TAF4B: variants seen among roughly 807,000 people sequenced by gnomAD.
TAF4B encodes the protein transcription initiation factor TFIID subunit 4B.
A neutral mutation model predicts 86.4 loss-of-function variants in TAF4B; 38 were observed. That is an observed-to-expected ratio of 0.44 (90% CI 0.34 to 0.58). The LOEUF (loss-of-function observed/expected upper bound fraction) is 0.58. TAF4B is among the 20% of genes least tolerant of loss of function. The probability of loss-of-function intolerance (pLI) is 0.02; values close to 1 mark genes in which losing one functional copy is unlikely to be tolerated. For synonymous variants in TAF4B, 388 were observed against 391.2 expected (o/e 0.99, Z 0.10); for missense variants, 988 against 1,027.6 (o/e 0.96, Z 0.53).
chr18:26,374,493 A>G (rs557742117), intron 14 of TAF4B, among the ~76,000 whole-genome samples: 1 of 152,308 alleles, frequency 6.6e-6, no homozygotes, highest in East Asian at 1.9e-4. Context: ...TTCAGTGACT[A>G]TGAGAAGCAT....
At chr18:26,239,438 G>GT (rs1053495765) in intron 1 of TAF4B, among the ~76,000 whole-genome samples, 2 of 151,806 alleles carry the variant, frequency 1.3e-5, no homozygotes, top group Non-Finnish European at 1.5e-5. Flanking sequence ...GATGGGGTTT[G>GT]TTTTTTTCTT....
intron 14 of TAF4B, among the ~76,000 whole-genome samples, chr18:26,369,925 C>G (rs1435772135): frequency 6.6e-6 from 1 of 152,156 alleles, no homozygotes; most frequent in Non-Finnish European, 1.5e-5. Context: ...AATTGGTTCT[C>G]TGGTCTAATC....
At chr18:26,376,073 C>G (rs2057440696) in intron 14 of TAF4B, among the ~76,000 whole-genome samples, 1 of 151,910 alleles carries the variant, frequency 6.6e-6, no homozygotes, top group Admixed American at 6.6e-5. Context: ...TGTATCTGTC[C>G]TTACACCAGT....
In TAF4B at chr18:26,226,476, G is replaced by C. The variant is rs2055574778; in HGVS notation, c.-458G>C. The C allele has an allele frequency of 6.5e-6, 1 of 152,852 alleles. No individual in the cohort carries two copies. Among genetic ancestry groups the C allele is most frequent in the South Asian group, 2.1e-4 (1 of 4,834 alleles). The allele number at this position is 152,852 out of a possible 1,614,324, so 9.5% of individuals were successfully genotyped here. ...ATATAAACATGGCTGGCGTGGCCGC[G>C]CGGCGGGGCCGTGCCAATCGCGCGT... On this transcript the variant is annotated 5_prime_UTR_variant, in exon 1 of 15. Transcript: ENST00000269142.
intron 9 of TAF4B, among the ~76,000 whole-genome samples, chr18:26,294,614 TAAAC>T (rs1367018108): frequency 1.4e-5 from 2 of 146,972 alleles, no homozygotes; most frequent in African/African-American, 2.5e-5. Flanking sequence ...TACAAATATA[TAAAC>T]AAACATATAA....
intron 11 of TAF4B, among the ~76,000 whole-genome samples, chr18:26,325,977 T>A (rs2057000502): frequency 6.6e-6 from 1 of 152,206 alleles, no homozygotes; most frequent in Non-Finnish European, 1.5e-5. Flanking sequence ...GTTAATTGAA[T>A]CAACCATAAG....
intron 9 of TAF4B, among the ~76,000 whole-genome samples, 154 bp downstream of exon 9, chr18:26,293,685 C>T (rs1355499760): frequency 2.0e-5 from 3 of 151,982 alleles, no homozygotes; most frequent in African/African-American, 7.3e-5. Flanking sequence ...CAATAAAATG[C>T]ACAACTATTA....
chr18:26,347,957 A>G (rs2057213933), intron 13 of TAF4B, among the ~76,000 whole-genome samples: 1 of 152,226 alleles, frequency 6.6e-6, no homozygotes. Flanking sequence ...ATAGATCCCA[A>G]TACAGTAATA....
chr18:26,346,809 ATATATATG>A (rs1567913836), intron 13 of TAF4B, among the ~76,000 whole-genome samples: 44 of 30,714 alleles, frequency 1.4e-3, no homozygotes, highest in South Asian at 4.4e-3. Flanking sequence ...GTGTATATAT[ATATATATG>A]TGTGTGTATA....
At chr18:26,293,601 AATAC>A in intron 9 of TAF4B, 70 bp downstream of exon 9, 1 of 923,032 alleles carries the variant, frequency 1.1e-6, no homozygotes, top group Non-Finnish European at 1.6e-6. Flanking sequence ...ATGACAGAAT[AATAC>A]CTTACTAAAA....
intron 1 of TAF4B, among the ~76,000 whole-genome samples, chr18:26,239,744 C>T (rs1225414856): frequency 3.9e-5 from 6 of 152,146 alleles, no homozygotes; most frequent in Non-Finnish European, 5.9e-5. Context: ...GTCTTTAATC[C>T]ATCTTGAATT....
chr18:26,285,222 G>GTTTTTTTTTTTTTGTTTTTTTTTTTTT lies in TAF4B; in HGVS notation c.973-647_973-646insGTTTTTTTTTTTTTTTTTTTTTTTTTT, dbSNP rs1555677502. 1.8e-3 allele frequency among the ~76,000 whole-genome samples: 82 copies of GTTTTTTTTTTTTTGTTTTTTTTTTTTT among 45,684 alleles called. 7 individuals carry two copies. In the East Asian group the frequency reaches 0.031, roughly 17 times the overall value. 30.0% of individuals were successfully genotyped at this position (45,684 alleles called of 152,430 possible). On this transcript the variant is annotated intron_variant, in intron 6 of 14. Coordinates refer to ENST00000269142, the MANE Select transcript of TAF4B (RefSeq NM_005640.3). ...ATTTCTTCCTTTCCTTTTTTTTTTT[G>GTTTTTTTTTTTTTGTTTTTTTTTTTTT]TTTTTTTTTTTTTTGGAGATGGGGT...
intron 13 of TAF4B, among the ~76,000 whole-genome samples, chr18:26,340,736 A>G (rs1206321951): frequency 2.0e-5 from 3 of 152,168 alleles, no homozygotes; most frequent in Non-Finnish European, 4.4e-5. Context: ...ACTGAGAATC[A>G]TTGATCTAGG....
At chr18:26,360,724 T>A (rs62085452) in intron 14 of TAF4B, among the ~76,000 whole-genome samples, 16,900 of 152,264 alleles carry the variant, frequency 0.11, 970 homozygotes, top group African/African-American at 0.14. Flanking sequence ...CAGTAATTCT[T>A]TCCCTGCTGA....
intron 12 of TAF4B, among the ~76,000 whole-genome samples, chr18:26,330,027 C>G (rs1043862966): frequency 3.3e-5 from 5 of 152,078 alleles, no homozygotes; most frequent in African/African-American, 9.7e-5. Context: ...TCATTTTTCC[C>G]TTTGTAATCA....
intron 11 of TAF4B, among the ~76,000 whole-genome samples, chr18:26,326,222 A>G (rs1028381387): frequency 4.6e-5 from 7 of 152,336 alleles, no homozygotes; most frequent in Non-Finnish European, 5.9e-5. Context: ...TAGAGGAGAA[A>G]GGGGCAGCTA....
chr18:26,367,338 C>T (rs766676306), intron 14 of TAF4B, among the ~76,000 whole-genome samples: 3 of 152,152 alleles, frequency 2.0e-5, no homozygotes, highest in African/African-American at 7.2e-5. Context: ...GTGTAACTCT[C>T]AGTCCAAGGC....
intron 13 of TAF4B, among the ~76,000 whole-genome samples, chr18:26,351,749 A>G (rs1168464951): frequency 1.3e-5 from 2 of 152,204 alleles, no homozygotes; most frequent in African/African-American, 2.4e-5. Flanking sequence ...GTTTAATGAA[A>G]TATATATGAC....
chr18:26,302,103 T>C lies in TAF4B; in HGVS notation c.1832+8572T>C, dbSNP rs139562094. Among the ~76,000 whole-genome samples, 363 of 152,332 alleles carry C rather than the reference T, an allele frequency of 2.4e-3. 1 individual carries two copies. The highest frequency in any genetic ancestry group is 8.3e-3 in the African/African-American group (347 of 41,584). On this transcript the variant is annotated intron_variant, in intron 9 of 14. Coordinates refer to ENST00000269142, the MANE Select transcript of TAF4B (RefSeq NM_005640.3). ...CCTCAAAACAATTGTCTGATTGTTT[T>C]GAGGTTACAATGGTCTGTAACAGAA...
Sources: allele counts gnomAD v4.1 joint callset (sites outside exome capture counted in the v4.1 genomes callset), GRCh38; gene constraint gnomAD v4.1.1; transcripts MANE v1.5; gene names NCBI Gene and HGNC (gene_info 2026-07-23, HGNC 2026-07-21).